Variants in ARHGEF26 observed in about 807,000 individuals in gnomAD.
ARHGEF26 encodes the protein Rho guanine nucleotide exchange factor (GEF) 26.
ARHGEF26 carries 59 observed loss-of-function variants against 89.4 expected under a neutral mutation model. That is an observed-to-expected ratio of 0.66 (90% CI 0.54 to 0.82). ARHGEF26 has a LOEUF of 0.82. Ranked by LOEUF, ARHGEF26 falls within the 40% of genes least tolerant of loss-of-function variation. The pLI is 0.00. For synonymous variants in ARHGEF26, 500 were observed against 428.4 expected (o/e 1.17, Z -2.06); for missense variants, 1,234 against 1,085.6 (o/e 1.14, Z -1.92).
At chr3:154,186,389 T>C (rs1444369133) in intron 6 of ARHGEF26, among the ~76,000 whole-genome samples, 2 of 152,182 alleles carry the variant, frequency 1.3e-5, no homozygotes, top group African/African-American at 4.8e-5. Flanking sequence ...ATATATCATA[T>C]GTGTATTATA....
chr3:154,253,085 G>C (rs1559930459), intron 12 of ARHGEF26, 31 bp from the exon 13 acceptor site: 1 of 1,612,894 alleles, frequency 6.2e-7, no homozygotes, highest in East Asian at 2.2e-5. Flanking sequence ...TACACCTTGA[G>C]TCTCTCAGTT....
chr3:154,228,573 A>G (rs1372607370), intron 11 of ARHGEF26, among the ~76,000 whole-genome samples: 2 of 150,170 alleles, frequency 1.3e-5, no homozygotes, highest in Non-Finnish European at 3.0e-5. Flanking sequence ...CTTACCAATT[A>G]GTTCATTATA....
At chr3:154,243,746 A>T (rs532694281) in intron 12 of ARHGEF26, among the ~76,000 whole-genome samples, 13 of 80,118 alleles carry the variant, frequency 1.6e-4, no homozygotes, top group Non-Finnish European at 1.0e-4. Context: ...TGCTCTCCCC[A>T]CCCCCACCCT....
At chr3:154,167,889 T>G (rs879513149) in intron 6 of ARHGEF26, among the ~76,000 whole-genome samples, 1 of 152,152 alleles carries the variant, frequency 6.6e-6, no homozygotes, top group African/African-American at 2.4e-5. Flanking sequence ...TTTATGAAAA[T>G]TTCTGTAACT....
chr3:154,129,705 A>T lies in ARHGEF26; in HGVS notation c.1255A>T (p.Ser419Cys), dbSNP rs1718560885. 1 of 1,612,254 alleles carries T rather than the reference A, an allele frequency of 6.2e-7. No homozygotes were observed. Among genetic ancestry groups the T allele is most frequent in the African/African-American group, 1.3e-5 (1 of 74,906 alleles). Residue 419 changes from serine (S) to cysteine (C), a missense_variant, in exon 4 of 15, where the codon AGC becomes TGC. By Grantham distance (112) the Ser-to-Cys change is moderately radical. Transcript: ENST00000465093. ...CCATAAGCCATTGAGATCCACATGG[A>T]GCCAACTCTCTGCGGTGAGTGTTTA... Reference protein sequence around the residue: ...IHHKPLRSTWSQLSAVKRKGL... With the variant: ...IHHKPLRSTWCQLSAVKRKGL...
rs1389297132 is a variant in ARHGEF26 at position 154,186,756 on chromosome 3, T to C, written c.1488-929T>C. ...CAGCCTGGGTGACAGAGTGAGGCCC[T>C]TTCTCAGAAGAAAGAAAGAAAGAGG... is the stretch of plus-strand genomic sequence containing the variant. On this transcript the variant is annotated intron_variant, in intron 6 of 14. Coordinates refer to ENST00000465093, the MANE Select transcript of ARHGEF26 (RefSeq NM_015595.4). Among the ~76,000 whole-genome samples the C allele has an allele frequency of 1.6e-4, 24 of 151,820 alleles. 1 individual carries two copies. Among genetic ancestry groups the C allele is most frequent in the Admixed American group, 1.6e-3 (24 of 15,224 alleles).
chr3:154,163,572 T>G (rs986764076), intron 6 of ARHGEF26, among the ~76,000 whole-genome samples: 1 of 152,194 alleles, frequency 6.6e-6, no homozygotes, highest in African/African-American at 2.4e-5. Context: ...TTGAACTTGC[T>G]CCTGTTGGTG....
intron 6 of ARHGEF26, among the ~76,000 whole-genome samples, chr3:154,167,173 T>G (rs1712095698): frequency 6.6e-6 from 1 of 152,208 alleles, no homozygotes; most frequent in Admixed American, 6.5e-5. Context: ...AATATGGGAT[T>G]CTTATTGAGC....
chr3:154,254,802 C>A lies in ARHGEF26; in HGVS notation c.2451C>A (p.Leu817=), dbSNP rs778878220. ...ELSLQVADVV[L]IYQRVSDGWY... is the part of the protein sequence containing the mutation. The stretch of plus-strand genomic sequence containing the variant: ...CCCTGCAGGTGGCTGACGTCGTCCT[C>A]ATCTATCAACGTGTCAGCGATGGTG... The change falls in exon 14 of 15, where the codon CTC becomes CTA. Residue 817 remains leucine, a synonymous_variant. Coordinates refer to ENST00000465093, the MANE Select transcript of ARHGEF26 (RefSeq NM_015595.4). 3.1e-6 allele frequency: 5 copies of A among 1,613,690 alleles called. No individual in the cohort carries two copies. In the African/African-American group the frequency reaches 6.7e-5, roughly 22 times the overall value.
At position 154,240,407 on chromosome 3, in the gene ARHGEF26, G is replaced by A; in HGVS notation, c.2128G>A (p.Asp710Asn). 1 of 1,613,454 alleles carries A rather than the reference G, an allele frequency of 6.2e-7. No homozygotes were observed. The highest frequency in any genetic ancestry group is 1.1e-5 in the South Asian group (1 of 90,974). Reference sequence around the variant, plus strand: ...CAACGTCAATGATTATTCCTTAAGAGATCAGCTATTGGTGGAATCTTGTGA... The same window carrying A: ...CAACGTCAATGATTATTCCTTAAGAAATCAGCTATTGGTGGAATCTTGTGA... ...SYNVNDYSLR[D>N]QLLVESCDNE... The change falls in exon 12 of 15, where the codon GAT becomes AAT. Residue 710 changes from aspartate to asparagine, a missense_variant. Transcript: ENST00000465093.
chr3:154,122,638 C>G lies in ARHGEF26; in HGVS notation c.646C>G (p.Pro216Ala), dbSNP rs1464698449. Residue 216 changes from proline to alanine, a missense_variant, in exon 2 of 15, where the codon CCC becomes GCC. Transcript: ENST00000465093. ...PQKSSSEQKL[P>A]LQRLPSQENE... ...GAAAAGTTCTTCGGAACAAAAACTC[C>G]CCCTCCAAAGGCTGCCCTCCCAGGA... 6.2e-7 allele frequency: 1 copy of G among 1,613,870 alleles called. No individual in the cohort carries two copies. Among genetic ancestry groups the G allele is most frequent in the Non-Finnish European group, 8.5e-7 (1 of 1,179,888 alleles).
chr3:154,239,266 GAGAGA>G (rs1559920441), intron 11 of ARHGEF26, among the ~76,000 whole-genome samples: 6 of 102,470 alleles, frequency 5.9e-5, no homozygotes, highest in African/African-American at 2.5e-4. Context: ...GAGAGGGAGA[GAGAGA>G]GAGAGAGAGA....
chr3:154,220,916 A>T (rs1285036126), intron 10 of ARHGEF26, among the ~76,000 whole-genome samples: 2 of 152,222 alleles, frequency 1.3e-5, no homozygotes, highest in Non-Finnish European at 2.9e-5. Flanking sequence ...GTTGCAACTC[A>T]CATATAGACA....
intron 6 of ARHGEF26, among the ~76,000 whole-genome samples, chr3:154,177,411 A>G (rs983783881): frequency 6.6e-6 from 1 of 152,180 alleles, no homozygotes; most frequent in African/African-American, 2.4e-5. Context: ...GGTACCTTGC[A>G]TGGTGATTAG....
chr3:154,210,043 G>GGAGTA (rs1348889686), intron 9 of ARHGEF26, among the ~76,000 whole-genome samples: 1 of 152,174 alleles, frequency 6.6e-6, no homozygotes, highest in Non-Finnish European at 1.5e-5. Context: ...CAGGCCACAA[G>GGAGTA]GAGTACTGCC....
At chr3:154,175,873 T>C (rs1712787650) in intron 6 of ARHGEF26, among the ~76,000 whole-genome samples, 1 of 152,226 alleles carries the variant, frequency 6.6e-6, no homozygotes, top group Admixed American at 6.5e-5. Context: ...AATGGAAAGA[T>C]GTATAAACCC....
chr3:154,122,400 T>A lies in ARHGEF26; in HGVS notation c.408T>A (p.Pro136=). ...CAGCAAATGGCGCGGTGACCTTGCC[T>A]GCGCCGCCGCCGCCGCCGGTTCTGC... ...KSPANGAVTL[P]APPPPPVLRP... Residue 136 remains proline, a synonymous_variant, in exon 2 of 15, where the codon CCT becomes CCA. Coordinates refer to ENST00000465093, the MANE Select transcript of ARHGEF26 (RefSeq NM_015595.4). The A allele has an allele frequency of 6.2e-7, 1 of 1,609,844 alleles. No individual in the cohort carries two copies. The highest frequency in any genetic ancestry group is 8.5e-7 in the Non-Finnish European group (1 of 1,178,556).
chr3:154,255,212 T>G, intron 14 of ARHGEF26, 119 bp from the exon 15 acceptor site: 2 of 1,066,688 alleles, frequency 1.9e-6, no homozygotes, highest in Non-Finnish European at 1.4e-6. Flanking sequence ...TCCCACTTTC[T>G]CTTCTCACCG....
At chr3:154,248,319 G>T (rs1717919700) in intron 12 of ARHGEF26, among the ~76,000 whole-genome samples, 1 of 152,150 alleles carries the variant, frequency 6.6e-6, no homozygotes, top group Admixed American at 6.5e-5. Context: ...AAGGGGCATT[G>T]TTTGCAGGGA....
Sources: allele counts gnomAD v4.1 joint callset (sites outside exome capture counted in the v4.1 genomes callset), GRCh38; gene constraint gnomAD v4.1.1; transcripts MANE v1.5; gene names NCBI Gene and HGNC (gene_info 2026-07-23, HGNC 2026-07-21).